The following C1QTNF7 variants were observed in gnomAD, a reference collection of about 807,000 sequenced individuals.
The protein encoded by C1QTNF7 is complement C1q tumor necrosis factor-related protein 7.
Under a neutral mutation model 19.6 loss-of-function variants are expected in C1QTNF7, and 15 were observed. The observed-to-expected ratio is 0.76, with a 90% CI of 0.51 to 1.18. C1QTNF7 has a LOEUF of 1.18. Among genes scored for constraint, C1QTNF7 ranks in the 50% most tolerant of loss-of-function variants. C1QTNF7 has a pLI of 0.00. For missense variants in C1QTNF7, 324 were observed against 359.7 expected, an observed-to-expected ratio of 0.90 and a Z score of 0.80; for synonymous variants, 142 against 137.5, an observed-to-expected ratio of 1.03 and a Z score of -0.23.
intron 1 of C1QTNF7, among the ~76,000 whole-genome samples, chr4:15,401,548 GA>G (rs1410780005): frequency 6.6e-6 from 1 of 152,148 alleles, no homozygotes; most frequent in African/African-American, 2.4e-5. Flanking sequence ...CAAGAGGGGG[GA>G]AACAAGTAGA....
intron 1 of C1QTNF7, among the ~76,000 whole-genome samples, chr4:15,380,595 G>A (rs888873021): frequency 2.0e-4 from 30 of 152,214 alleles, no homozygotes; most frequent in Non-Finnish European, 2.9e-4. Context: ...AGCTGCAAGG[G>A]AATCTGGAAG....
In C1QTNF7 at chr4:15,340,798, T is replaced by C. The variant is rs141762380; in HGVS notation, c.13+591T>C. On this transcript the variant is annotated intron_variant, in intron 1 of 2. Transcript: ENST00000295297. ...TATATATCCTGGGAGAAGGAAACAG[T>C]TCAACTCAACATTCATTAATTCAAG... is the stretch of plus-strand genomic sequence containing the variant. Among the ~76,000 whole-genome samples, 270 of 152,282 alleles carry C rather than the reference T, an allele frequency of 1.8e-3. 1 individual carries two copies. Among genetic ancestry groups the C allele is most frequent in the Admixed American group, 2.8e-3 (43 of 15,294 alleles).
At chr4:15,419,674 T>C (rs1409592595) in intron 1 of C1QTNF7, among the ~76,000 whole-genome samples, 2 of 152,112 alleles carry the variant, frequency 1.3e-5, no homozygotes, top group Admixed American at 1.3e-4. Flanking sequence ...ATATTTAAAA[T>C]AAAATACAAA....
chr4:15,371,769 AG>A (rs1469402145), intron 1 of C1QTNF7, among the ~76,000 whole-genome samples: 2 of 152,164 alleles, frequency 1.3e-5, no homozygotes, highest in Non-Finnish European at 2.9e-5. Flanking sequence ...ATTAACATGA[AG>A]GGGGCTGGGA....
chr4:15,361,978 G>A (rs771597328), intron 1 of C1QTNF7, among the ~76,000 whole-genome samples: 48 of 152,036 alleles, frequency 3.2e-4, no homozygotes, highest in Non-Finnish European at 5.9e-5. Context: ...TCCTCCCCTC[G>A]AGGGGCAAAA....
chr4:15,348,921 C>T (rs1395913282), intron 1 of C1QTNF7, among the ~76,000 whole-genome samples: 3 of 152,258 alleles, frequency 2.0e-5, no homozygotes, highest in African/African-American at 4.8e-5. Context: ...TACAGTAAAA[C>T]TAGACAGCAG....
At chr4:15,409,935 T>A (rs1223847365) in intron 1 of C1QTNF7, among the ~76,000 whole-genome samples, 1 of 152,322 alleles carries the variant, frequency 6.6e-6, no homozygotes, top group East Asian at 1.9e-4. Context: ...GGAATGAAGG[T>A]TATTGAAATG....
chr4:15,408,277 A>T (rs1719271044), intron 1 of C1QTNF7, among the ~76,000 whole-genome samples: 1 of 18,932 alleles, frequency 5.3e-5, no homozygotes, highest in African/African-American at 1.7e-4. Context: ...CTCTGTCTCA[A>T]AAAAAAAAAA....
At chr4:15,434,772 G>A (rs1337164142) in intron 1 of C1QTNF7, among the ~76,000 whole-genome samples, 1 of 152,174 alleles carries the variant, frequency 6.6e-6, no homozygotes, top group South Asian at 2.1e-4. Flanking sequence ...CAGAATTGAA[G>A]AGACCTGCTG....
At chr4:15,425,190 C>G (rs1436695684), upstream of C1QTNF7, among the ~76,000 whole-genome samples, 1 of 152,044 alleles carries the variant, frequency 6.6e-6, no homozygotes, top group Non-Finnish European at 1.5e-5. Context: ...TAGAGCCTGG[C>G]TGCCCATTGG....
intron 1 of C1QTNF7, among the ~76,000 whole-genome samples, chr4:15,433,474 T>C (rs1359300754): frequency 6.6e-6 from 1 of 152,114 alleles, no homozygotes; most frequent in African/African-American, 2.4e-5. Context: ...TAAAATTCTT[T>C]AAAGAAAACA....
At chr4:15,419,156 C>G (rs1711612345) in intron 1 of C1QTNF7, among the ~76,000 whole-genome samples, 1 of 152,144 alleles carries the variant, frequency 6.6e-6, no homozygotes. Context: ...TTCACACAAC[C>G]TTTTGGAAAG....
Position 15,444,085 on chromosome 4 carries a change from T to C in C1QTNF7, c.*1286T>C, listed in dbSNP as rs1712898670. ...TATTCTCTTCCATGATTTTGTCTGA[T>C]CTACCATTTCTATGGTTTATGGTAA... On this transcript the variant is annotated 3_prime_UTR_variant, in exon 3 of 3. Transcript: ENST00000444304. 6.6e-6 allele frequency: 1 copy of C among 152,216 alleles called. No individual in the cohort carries two copies. The highest frequency in any genetic ancestry group is 1.5e-5 in the Non-Finnish European group (1 of 68,052). The allele number at this position is 152,216 out of a possible 1,614,324, so 9.4% of individuals were successfully genotyped here.
chr4:15,377,317 C>T (rs914770583), intron 1 of C1QTNF7, among the ~76,000 whole-genome samples: 12 of 152,016 alleles, frequency 7.9e-5, no homozygotes, highest in African/African-American at 2.9e-4. Flanking sequence ...TTGTTGATAC[C>T]CCCGTGCTTT....
chr4:15,433,338 G>A (rs533654847), intron 1 of C1QTNF7, among the ~76,000 whole-genome samples: 2 of 152,034 alleles, frequency 1.3e-5, no homozygotes, highest in African/African-American at 4.8e-5. Context: ...GGGGAGGGGG[G>A]TGACTTTATT....
chr4:15,348,240 A>T (rs1285851615), intron 1 of C1QTNF7, among the ~76,000 whole-genome samples: 1 of 152,166 alleles, frequency 6.6e-6, no homozygotes, highest in Non-Finnish European at 1.5e-5. Flanking sequence ...TAGTGAATGG[A>T]GTTGCATGTG....
At chr4:15,422,210 T>TAAA (rs199592000) in intron 1 of C1QTNF7, among the ~76,000 whole-genome samples, 27,069 of 142,620 alleles carry the variant, frequency 0.19, 2,997 homozygotes, top group Middle Eastern at 0.3. Flanking sequence ...TGTTTTTTTT[T>TAAA]AAAAAAAAAA....
rs534852057 is a variant in C1QTNF7, at chr4:15,442,034, T to C, written c.239-134T>C. 2.3e-4 allele frequency: 201 copies of C among 872,340 alleles called. 1 individual carries two copies. In the African/African-American group the frequency reaches 3.3e-3, roughly 14 times the overall value. The allele number at this position is 872,340 out of a possible 1,614,324, so 54.0% of individuals were successfully genotyped here. On this transcript the variant is annotated intron_variant, in intron 2 of 2. Transcript: ENST00000444304. ...AGACTCCATCTCAAAAAAAAAAAAGTTTATTATTTAGTAGTACACTGTTAA... is the reference window on the plus strand; with the variant it reads ...AGACTCCATCTCAAAAAAAAAAAAGCTTATTATTTAGTAGTACACTGTTAA...
At chr4:15,403,765 T>C (rs1719083451) in intron 1 of C1QTNF7, among the ~76,000 whole-genome samples, 1 of 152,210 alleles carries the variant, frequency 6.6e-6, no homozygotes, top group African/African-American at 2.4e-5. Flanking sequence ...CTGAATGGTG[T>C]AACAACTAAA....
Sources: gnomAD v4.1 joint callset for allele counts (sites outside exome capture counted in the v4.1 genomes callset) on GRCh38, gnomAD v4.1.1 for gene constraint, MANE v1.5 for transcripts, NCBI Gene and HGNC (gene_info 2026-07-23, HGNC 2026-07-21) for gene names.